PKP4: variants seen among roughly 807,000 people sequenced by gnomAD.
The protein encoded by PKP4 is plakophilin-4.
A neutral mutation model predicts 145.1 loss-of-function variants in PKP4; 90 were observed. The ratio of observed to expected loss-of-function variants is 0.62; its 90% CI spans 0.52 to 0.74. The LOEUF is 0.74. PKP4 is among the 30% of genes least tolerant of loss of function. The pLI, the probability that PKP4 is intolerant of heterozygous loss-of-function variation, is 0.00. For missense variants in PKP4, 1,340 were observed against 1,482.7 expected (o/e 0.90, Z 1.58); for synonymous variants, 563 against 577.2 (o/e 0.98, Z 0.35).
chr2:158,614,630 C>T (rs2051421719), intron 4 of PKP4, among the ~76,000 whole-genome samples: 1 of 152,106 alleles, frequency 6.6e-6, no homozygotes, highest in Admixed American at 6.6e-5. Context: ...TTAGATTTTG[C>T]CCTAGCAAAC....
At chr2:158,651,068 A>G (rs1228693245) in intron 11 of PKP4, among the ~76,000 whole-genome samples, 1 of 152,180 alleles carries the variant, frequency 6.6e-6, no homozygotes, top group East Asian at 1.9e-4. Context: ...TATCCAGAGA[A>G]AGGTATTTTT....
At chr2:158,678,983 G>A (rs984786956) in intron 21 of PKP4, 2 of 341,256 alleles carry the variant, frequency 5.9e-6, no homozygotes, top group African/African-American at 4.1e-5. Context: ...CAGCCTCTGA[G>A]TGAGGGAAGG....
chr2:158,678,684 G>A (rs780377641), intron 21 of PKP4, 30 bp downstream of exon 21: 1 of 1,357,420 alleles, frequency 7.4e-7, no homozygotes, highest in South Asian at 1.2e-5. Context: ...TTTACAGAAG[G>A]CTGATTAGCA....
chr2:158,651,801 A>C (rs999721850), intron 11 of PKP4, among the ~76,000 whole-genome samples: 3 of 151,968 alleles, frequency 2.0e-5, no homozygotes, highest in African/African-American at 4.8e-5. Context: ...ACCACTGTCA[A>C]ACCCCAGTGT....
At chr2:158,549,192 A>G (rs1298689707) in intron 2 of PKP4, 2 of 186,034 alleles carry the variant, frequency 1.1e-5, no homozygotes, top group Non-Finnish European at 2.4e-5. Flanking sequence ...GGAAAGGGCA[A>G]ACGCTAAAGG....
At chr2:158,541,584 A>G (rs1238118496) in intron 2 of PKP4, among the ~76,000 whole-genome samples, 1 of 129,298 alleles carries the variant, frequency 7.7e-6, no homozygotes, top group African/African-American at 2.6e-5. Context: ...ATCCTATGCA[A>G]TTATATTCTA....
chr2:158,488,064 T>C (rs1694428631), intron 1 of PKP4, among the ~76,000 whole-genome samples: 1 of 152,216 alleles, frequency 6.6e-6, no homozygotes, highest in Admixed American at 6.5e-5. Flanking sequence ...TTTCAATCTG[T>C]TCCACCTATA....
intron 3 of PKP4, among the ~76,000 whole-genome samples, chr2:158,589,932 C>T (rs947619105): frequency 2.0e-4 from 31 of 152,040 alleles, no homozygotes; most frequent in Admixed American, 6.6e-5. Flanking sequence ...TCCACTAGTG[C>T]GTTTTCAGCA....
intron 4 of PKP4, among the ~76,000 whole-genome samples, chr2:158,613,113 TC>T (rs1465120447): frequency 6.6e-6 from 1 of 152,114 alleles, no homozygotes; most frequent in African/African-American, 2.4e-5. Flanking sequence ...GCTACTAAAA[TC>T]TTGACGCCCA....
intron 1 of PKP4, among the ~76,000 whole-genome samples, chr2:158,524,191 A>G (rs1351773085): frequency 8.9e-6 from 1 of 111,912 alleles, no homozygotes; most frequent in African/African-American, 3.8e-5. Flanking sequence ...CAGATTCACC[A>G]AAGTTGAAAT....
At chr2:158,616,038 G>T (rs540365573) in intron 4 of PKP4, among the ~76,000 whole-genome samples, 175 of 152,240 alleles carry the variant, frequency 1.1e-3, no homozygotes, top group African/African-American at 4.0e-3. Flanking sequence ...ACTTTTAAAT[G>T]ATATCCTATG....
intron 1 of PKP4, among the ~76,000 whole-genome samples, chr2:158,526,319 G>A (rs1171360168): frequency 7.4e-6 from 1 of 134,454 alleles, no homozygotes; most frequent in East Asian, 2.1e-4. Flanking sequence ...GGGATGTAAG[G>A]CTGGTTCAAT....
intron 4 of PKP4, among the ~76,000 whole-genome samples, 177 bp from the exon 5 acceptor site, chr2:158,620,813 A>G (rs1305037429): frequency 2.0e-5 from 3 of 152,222 alleles, no homozygotes; most frequent in Non-Finnish European, 2.9e-5. Context: ...TTAATGAAGT[A>G]TAAGTATATG....
intron 3 of PKP4, among the ~76,000 whole-genome samples, chr2:158,579,056 A>G (rs1010492455): frequency 1.2e-4 from 19 of 152,216 alleles, no homozygotes; most frequent in African/African-American, 4.6e-4. Context: ...TGTCCTTTAA[A>G]GGACCCCATG....
At chr2:158,654,679 C>G (rs907172130) in intron 11 of PKP4, among the ~76,000 whole-genome samples, 1 of 152,008 alleles carries the variant, frequency 6.6e-6, no homozygotes, top group African/African-American at 2.4e-5. Context: ...ACTATGCTGA[C>G]AAATTTTGTT....
At chr2:158,464,428 G>T (rs927917327) in intron 1 of PKP4, among the ~76,000 whole-genome samples, 3 of 152,128 alleles carry the variant, frequency 2.0e-5, no homozygotes, top group African/African-American at 7.2e-5. Context: ...ATTCAGTGAT[G>T]AAAGTTTCTC....
Position 158,676,878 on chromosome 2 carries a change from A to G in PKP4, c.3256+11A>G, listed in dbSNP as rs1280681007. ...AAGGCCTGTACCCTGGTAAGACGCCAGTTGGGTGTGTGATACAGTCTCTTG... is the reference window on the plus strand; with the variant it reads ...AAGGCCTGTACCCTGGTAAGACGCCGGTTGGGTGTGTGATACAGTCTCTTG... On this transcript the variant is annotated intron_variant, in intron 20 of 21. Coordinates refer to ENST00000389759, the MANE Select transcript of PKP4 (RefSeq NM_003628.6). 6.2e-7 allele frequency: 1 copy of G among 1,614,012 alleles called. No homozygotes were observed. The highest frequency in any genetic ancestry group is 1.7e-5 in the Admixed American group (1 of 60,008).
intron 2 of PKP4, among the ~76,000 whole-genome samples, chr2:158,570,312 T>C (rs1236291553): frequency 1.3e-5 from 2 of 152,218 alleles, no homozygotes; most frequent in African/African-American, 4.8e-5. Context: ...AATAGTTTCC[T>C]AAACTTGGCC....
At chr2:158,602,250 G>A (rs1484946796) in intron 3 of PKP4, among the ~76,000 whole-genome samples, 2 of 152,210 alleles carry the variant, frequency 1.3e-5, no homozygotes, top group Non-Finnish European at 2.9e-5. Context: ...AGTCCTGGGT[G>A]TGGTTCCAGC....
Sources: gnomAD v4.1 joint callset for allele counts (sites outside exome capture counted in the v4.1 genomes callset) on GRCh38, gnomAD v4.1.1 for gene constraint, MANE v1.5 for transcripts, NCBI Gene and HGNC (gene_info 2026-07-23, HGNC 2026-07-21) for gene names.